Variants in GLIS3 observed in about 807,000 individuals in gnomAD.
GLIS3 encodes zinc finger protein GLIS3.
In GLIS3, 53 loss-of-function variants were observed where a neutral mutation model predicts 78.6. The ratio of observed to expected loss-of-function variants is 0.67; its 90% confidence interval spans 0.54 to 0.85. The LOEUF (loss-of-function observed/expected upper bound fraction) is 0.85. Among genes scored for constraint, GLIS3 ranks in the 40% least tolerant of loss-of-function variants. The pLI is 0.00. For synonymous variants in GLIS3, 684 were observed against 509.9 expected (o/e 1.34, Z -4.60); for missense variants, 1,703 against 1,231.1 (o/e 1.38, Z -5.74).
chr9:4,420,735 C>T, the GLIS3 span, among the ~76,000 whole-genome samples: 1 of 152,092 alleles, frequency 6.6e-6, no homozygotes, highest in East Asian at 1.9e-4. Context: ...ATACCTGAGA[C>T]TGGGTAAATT....
chr9:4,320,382 C>A lies in GLIS3; in HGVS notation n.265-9854G>T, dbSNP rs571529073. Among the ~76,000 whole-genome samples, 4 of 152,290 alleles carry A rather than the reference C, an allele frequency of 2.6e-5. No homozygotes were observed. The South Asian group carries it at 8.3e-4, about 32-fold the overall frequency. ...GGAGGTGGGACTGAAAAGGCATCTT[C>A]AGTTCACCATGCCTCAAACTGAACT... On this transcript the variant is annotated intron_variant and non_coding_transcript_variant, in intron 2 of 4. Coordinates refer to the GLIS3 transcript ENST00000471664.
chr9:3,857,075 C>G (rs983186223), intron 8 of GLIS3, among the ~76,000 whole-genome samples: 8 of 152,180 alleles, frequency 5.3e-5, no homozygotes, highest in Non-Finnish European at 4.4e-5. Flanking sequence ...TTGGCAATGT[C>G]TATCAAATAT....
the GLIS3 span, among the ~76,000 whole-genome samples, chr9:4,457,679 C>G: frequency 6.6e-6 from 1 of 151,706 alleles, no homozygotes. Context: ...AACCCCATCT[C>G]TACTAAAAAT....
chr9:4,271,438 T>A (rs1826499672), intron 2 of GLIS3, among the ~76,000 whole-genome samples: 1 of 152,220 alleles, frequency 6.6e-6, no homozygotes, highest in African/African-American at 2.4e-5. Flanking sequence ...CTATTGGTTC[T>A]GTTTCCCTGT....
chr9:4,252,951 C>T (rs1379237060), intron 2 of GLIS3, among the ~76,000 whole-genome samples: 4 of 152,220 alleles, frequency 2.6e-5, no homozygotes, highest in African/African-American at 9.6e-5. Flanking sequence ...GGCTGCAGAA[C>T]AGCAAAAATT....
intron 4 of GLIS3, among the ~76,000 whole-genome samples, chr9:4,017,435 C>A (rs1029607238): frequency 5.3e-5 from 8 of 152,082 alleles, no homozygotes; most frequent in Non-Finnish European, 2.9e-5. Flanking sequence ...TGGAAGCTTG[C>A]GTGCACACAC....
At chr9:4,384,672 C>T in the GLIS3 span, among the ~76,000 whole-genome samples, 3 of 151,996 alleles carry the variant, frequency 2.0e-5, no homozygotes, top group African/African-American at 7.3e-5. Context: ...ATCATGGTCT[C>T]CCAGCTTACT....
intron 2 of GLIS3, among the ~76,000 whole-genome samples, chr9:4,336,517 T>A (rs5003232): frequency 0.98 from 148,892 of 152,188 alleles, 72,923 homozygotes; most frequent in South Asian, 1. Flanking sequence ...ATATCACCCT[T>A]TCTCTTGGCA....
rs1474704376 is a variant in GLIS3, at chr9:3,826,544, A to G, written c.*1728T>C. On this transcript the variant is annotated 3_prime_UTR_variant, in exon 11 of 11. Transcript: ENST00000381971. Reference sequence around the variant, plus strand: ...AGCTTTTCTTAGAATACAGCCCACTACTCAGAGAAACTAGATTGACCAAGT... The same window carrying G: ...AGCTTTTCTTAGAATACAGCCCACTGCTCAGAGAAACTAGATTGACCAAGT... 3 of 152,212 alleles carry G rather than the reference A, an allele frequency of 2.0e-5. No individual in the cohort carries two copies. Among genetic ancestry groups the G allele is most frequent in the Non-Finnish European group, 4.4e-5 (3 of 68,036 alleles). The allele number at this position is 152,212 out of a possible 1,614,324, so 9.4% of individuals were successfully genotyped here.
At chr9:3,847,868 A>G (rs1404679480) in intron 9 of GLIS3, among the ~76,000 whole-genome samples, 1 of 152,216 alleles carries the variant, frequency 6.6e-6, no homozygotes, top group Non-Finnish European at 1.5e-5. Flanking sequence ...AAATCTAATC[A>G]TCAATCCCTG....
At chr9:4,019,713 G>A (rs778831598) in intron 4 of GLIS3, among the ~76,000 whole-genome samples, 1 of 152,084 alleles carries the variant, frequency 6.6e-6, no homozygotes, top group African/African-American at 2.4e-5. Flanking sequence ...GAAGATGCCA[G>A]CTGCAATTTT....
At chr9:4,007,933 A>T (rs916617714) in intron 4 of GLIS3, among the ~76,000 whole-genome samples, 1 of 150,414 alleles carries the variant, frequency 6.6e-6, no homozygotes, top group African/African-American at 2.4e-5. Context: ...TTATCACTCC[A>T]GATAGCTTGG....
chr9:4,415,479 C>T, the GLIS3 span, among the ~76,000 whole-genome samples: 2 of 152,200 alleles, frequency 1.3e-5, no homozygotes, highest in Non-Finnish European at 2.9e-5. Context: ...TCACCAGACA[C>T]TACAGAGGCA....
intron 4 of GLIS3, among the ~76,000 whole-genome samples, chr9:4,048,485 A>G (rs1251510424): frequency 6.6e-6 from 1 of 152,184 alleles, no homozygotes; most frequent in Non-Finnish European, 1.5e-5. Flanking sequence ...TCTCATAAAT[A>G]GAAAAAAAAA....
intron 7 of GLIS3, among the ~76,000 whole-genome samples, chr9:3,888,762 C>T (rs987754008): frequency 6.6e-6 from 1 of 152,162 alleles, no homozygotes; most frequent in African/African-American, 2.4e-5. Flanking sequence ...ACTTTACTCT[C>T]AAGATAGATG....
chr9:4,437,450 A>G, the GLIS3 span, among the ~76,000 whole-genome samples: 2 of 149,776 alleles, frequency 1.3e-5, no homozygotes, highest in Non-Finnish European at 2.9e-5. Flanking sequence ...CTATCTATCT[A>G]TCTATCTATC....
intron 4 of GLIS3, among the ~76,000 whole-genome samples, chr9:3,943,225 A>G (rs1816064106): frequency 6.6e-6 from 1 of 152,228 alleles, no homozygotes; most frequent in Admixed American, 6.5e-5. Flanking sequence ...CAGTTTGTAG[A>G]AAGTGCTACA....
At chr9:4,147,848 G>A (rs890635551) in intron 2 of GLIS3, among the ~76,000 whole-genome samples, 1 of 151,904 alleles carries the variant, frequency 6.6e-6, no homozygotes, top group Non-Finnish European at 1.5e-5. Context: ...CATTCTAATG[G>A]CTAAACTAGG....
chr9:4,032,125 A>C (rs1468181793), intron 4 of GLIS3, among the ~76,000 whole-genome samples: 2 of 152,208 alleles, frequency 1.3e-5, no homozygotes, highest in African/African-American at 4.8e-5. Flanking sequence ...CGTCAGGCAG[A>C]TCTAAGTGCC....
Sources: gnomAD v4.1 joint callset for allele counts (sites outside exome capture counted in the v4.1 genomes callset) on GRCh38, gnomAD v4.1.1 for gene constraint, MANE v1.5 for transcripts, NCBI Gene and HGNC (gene_info 2026-07-23, HGNC 2026-07-21) for gene names.